The following STAU1 variants were observed in gnomAD, a reference collection of about 807,000 sequenced individuals.
STAU1 encodes the protein staufen double-stranded RNA binding protein 1.
Under a neutral mutation model 62.9 loss-of-function variants are expected in STAU1, and 13 were observed. The observed-to-expected ratio is 0.21, with a 90% CI of 0.13 to 0.33. The LOEUF (loss-of-function observed/expected upper bound fraction) is 0.33, where lower values mean the gene tolerates loss of function less well. Ranked by LOEUF, STAU1 falls within the 10% of genes least tolerant of loss-of-function variation. The pLI, the probability that STAU1 is intolerant of heterozygous loss-of-function variation, is 1.00. For missense variants in STAU1, 571 were observed against 712.1 expected, an observed-to-expected ratio of 0.80 and a Z score of 2.25; for synonymous variants, 269 against 265.1, an observed-to-expected ratio of 1.01 and a Z score of -0.14.
chr20:49,205,711 T>C, the STAU1 span, among the ~76,000 whole-genome samples: 1 of 146,906 alleles, frequency 6.8e-6, no homozygotes, highest in Non-Finnish European at 1.5e-5. Context: ...TTGCTCTTGT[T>C]GCCCAGGCTG....
chr20:49,195,312 C>G, the STAU1 span, among the ~76,000 whole-genome samples: 1 of 151,076 alleles, frequency 6.6e-6, no homozygotes, highest in Admixed American at 6.6e-5. Flanking sequence ...CCGAGGCAGG[C>G]GGATCACGAA....
Position 49,124,688 on chromosome 20 carries a change from C to T in STAU1, c.610-101G>A, listed in dbSNP as rs1392781189. 4.1e-6 allele frequency: 5 copies of T among 1,224,030 alleles called. No individual in the cohort carries two copies. The South Asian group carries it at 6.2e-5, about 15-fold the overall frequency. 75.8% of individuals were successfully genotyped at this position (1,224,030 alleles called of 1,614,324 possible). On this transcript the variant is annotated intron_variant, in intron 6 of 13. Coordinates refer to ENST00000371856, the MANE Select transcript of STAU1 (RefSeq NM_017453.4). ...TTCACACAGACACAGGGAAGGGGAA[C>T]CAAGGACAAGACCTACTAAATGAAA... is the stretch of plus-strand genomic sequence containing the variant.
At chr20:49,180,857 A>C (rs2093716204) in intron 1 of STAU1, among the ~76,000 whole-genome samples, 1 of 152,204 alleles carries the variant, frequency 6.6e-6, no homozygotes, top group African/African-American at 2.4e-5. Flanking sequence ...CTAATGAGCA[A>C]AATTCATCCT....
intron 1 of STAU1, among the ~76,000 whole-genome samples, chr20:49,185,871 G>GT (rs934212239): frequency 2.8e-4 from 43 of 151,608 alleles, no homozygotes; most frequent in Admixed American, 9.9e-4. Flanking sequence ...TTGCTTATGT[G>GT]TTTTTTTTGT....
At chr20:49,218,223 C>T in the STAU1 span, among the ~76,000 whole-genome samples, 26 of 142,458 alleles carry the variant, frequency 1.8e-4, no homozygotes, top group Non-Finnish European at 3.1e-4. Flanking sequence ...CCCTACAAAG[C>T]CCAATCTTTT....
the STAU1 span, among the ~76,000 whole-genome samples, chr20:49,204,592 T>TTATATATATATATATATATA: frequency 2.2e-5 from 1 of 45,644 alleles, no homozygotes; most frequent in Non-Finnish European, 4.0e-5. Flanking sequence ...GGATTTTACA[T>TTATATATATATATATATATA]TATATATATA....
intron 5 of STAU1, among the ~76,000 whole-genome samples, chr20:49,136,955 A>G (rs937236783): frequency 1.3e-5 from 2 of 152,190 alleles, no homozygotes; most frequent in African/African-American, 4.8e-5. Context: ...CTCGGCTCCC[A>G]AAGTGCTGGG....
At chr20:49,147,203 C>T (rs1349410208) in intron 5 of STAU1, among the ~76,000 whole-genome samples, 2 of 152,200 alleles carry the variant, frequency 1.3e-5, no homozygotes, top group African/African-American at 2.4e-5. Flanking sequence ...TAATTCTTGT[C>T]ATTTTTCCAT....
chr20:49,212,868 G>A, the STAU1 span, among the ~76,000 whole-genome samples: 1 of 152,024 alleles, frequency 6.6e-6, no homozygotes, highest in Non-Finnish European at 1.5e-5. Context: ...AAAGTGCTGG[G>A]ATTAAAGGCT....
At chr20:49,124,765 A>G (rs1192825972) in intron 6 of STAU1, among the ~76,000 whole-genome samples, 178 bp from the exon 7 acceptor site, 1 of 152,028 alleles carries the variant, frequency 6.6e-6, no homozygotes, top group Non-Finnish European at 1.5e-5. Context: ...TACTTCTCAA[A>G]CTGGTTTATG....
chr20:49,205,854 A>G, the STAU1 span, among the ~76,000 whole-genome samples: 4 of 144,414 alleles, frequency 2.8e-5, no homozygotes, highest in African/African-American at 1.0e-4. Context: ...TTGTATTTTT[A>G]GTAGAGACGG....
chr20:49,158,970 G>A (rs1396035455), intron 3 of STAU1: 4 of 1,301,676 alleles, frequency 3.1e-6, no homozygotes, highest in Non-Finnish European at 4.1e-6. Flanking sequence ...CAGGACATCA[G>A]GGGTCTCCTT....
At chr20:49,203,290 T>C in the STAU1 span, among the ~76,000 whole-genome samples, 11 of 152,038 alleles carry the variant, frequency 7.2e-5, no homozygotes, top group Non-Finnish European at 1.2e-4. Context: ...CCAGGTGTAG[T>C]GGTGCATGCC....
At chr20:49,198,569 C>T in the STAU1 span, among the ~76,000 whole-genome samples, 5 of 151,962 alleles carry the variant, frequency 3.3e-5, no homozygotes, top group Admixed American at 6.6e-5. Context: ...GTGGCTTATG[C>T]CTGGAATCCC....
chr20:49,129,413 G>A (rs1378714681), intron 6 of STAU1, among the ~76,000 whole-genome samples: 18 of 142,338 alleles, frequency 1.3e-4, no homozygotes, highest in Non-Finnish European at 1.5e-5. Flanking sequence ...TCAGCCCCCT[G>A]AGTACCTGGG....
At chr20:49,162,027 AC>A (rs1219534789) in intron 3 of STAU1, among the ~76,000 whole-genome samples, 1 of 152,214 alleles carries the variant, frequency 6.6e-6, no homozygotes, top group African/African-American at 2.4e-5. Context: ...GACACTGGTT[AC>A]TGAAACAGCC....
intron 6 of STAU1, among the ~76,000 whole-genome samples, chr20:49,126,187 A>G (rs990538896): frequency 6.1e-5 from 9 of 147,698 alleles, no homozygotes; most frequent in East Asian, 1.9e-4. Flanking sequence ...AACAAGAGGG[A>G]AAAAAAAAAG....
intron 6 of STAU1, among the ~76,000 whole-genome samples, chr20:49,127,655 G>A (rs1466838947): frequency 6.6e-6 from 1 of 152,096 alleles, no homozygotes; most frequent in Non-Finnish European, 1.5e-5. Flanking sequence ...GCAGTGAGCT[G>A]AGATCGCGCC....
the STAU1 span, among the ~76,000 whole-genome samples, chr20:49,206,968 A>T: frequency 2.6e-5 from 4 of 151,250 alleles, no homozygotes; most frequent in African/African-American, 4.9e-5. Context: ...GTTGGCCAGG[A>T]TAGTCTTGAT....
Sources: gnomAD v4.1 joint callset for allele counts (sites outside exome capture counted in the v4.1 genomes callset) on GRCh38, gnomAD v4.1.1 for gene constraint, MANE v1.5 for transcripts, NCBI Gene and HGNC (gene_info 2026-07-23, HGNC 2026-07-21) for gene names.